WDR3: variants seen among roughly 807,000 people sequenced by gnomAD.
The protein encoded by WDR3 is WD repeat-containing protein 3.
Under a neutral mutation model 123.7 loss-of-function variants are expected in WDR3, and 81 were observed. That is an observed-to-expected ratio of 0.65 (90% confidence interval 0.55 to 0.79). WDR3 has a LOEUF of 0.79. Ranked by LOEUF, WDR3 falls within the 30% of genes least tolerant of loss-of-function variation. The pLI, the probability that WDR3 is intolerant of heterozygous loss-of-function variation, is 0.00. For synonymous variants in WDR3, 390 were observed against 388.8 expected, an observed-to-expected ratio of 1.00 and a Z score of -0.04; for missense variants, 1,027 against 1,123.2, an observed-to-expected ratio of 0.91 and a Z score of 1.22.
Position 117,964,201 on chromosome 1 carries a change from T to G in WDR3, c.*4754T>G. On this transcript the variant is annotated 3_prime_UTR_variant, in exon 27 of 27. Transcript: ENST00000349139. ...TTTCTATAAGGAGCCATCAGTATGG[T>G]CAAGCCCCAAACCATATCTACATCA... The G allele has an allele frequency of 3.5e-6, 1 of 286,448 alleles. No individual in the cohort carries two copies. Among genetic ancestry groups the G allele is most frequent in the Non-Finnish European group, 6.6e-6 (1 of 150,720 alleles). 17.7% of individuals were successfully genotyped at this position (286,448 alleles called of 1,614,324 possible).
At chr1:117,953,128 G>GA in intron 20 of WDR3, 132 bp downstream of exon 20, 1 of 1,095,078 alleles carries the variant, frequency 9.1e-7, no homozygotes, top group Non-Finnish European at 1.3e-6. Flanking sequence ...AGCTGATAAA[G>GA]AATCTGTGTA....
At position 117,964,950 on chromosome 1, in the gene WDR3, C is replaced by G. The variant is rs1653629548; in HGVS notation, c.*5503C>G. Reference sequence around the variant, plus strand: ...GATATTGCAGTTTCAATCACTTCTACTCATTCATATTTTTAATATATATCT... The same window carrying G: ...GATATTGCAGTTTCAATCACTTCTAGTCATTCATATTTTTAATATATATCT... On this transcript the variant is annotated 3_prime_UTR_variant, in exon 27 of 27. Transcript: ENST00000349139. The G allele has an allele frequency of 6.6e-6, 1 of 152,106 alleles. No homozygotes were observed. The highest frequency in any genetic ancestry group is 2.4e-5 in the African/African-American group (1 of 41,408). 9.4% of individuals were successfully genotyped at this position (152,106 alleles called of 1,614,324 possible). A position where few individuals can be genotyped will look rare whatever the true frequency, so the allele number is the denominator to read the frequency against.
intron 21 of WDR3, 76 bp downstream of exon 21, chr1:117,953,617 A>G (rs1313990832): frequency 6.7e-7 from 1 of 1,501,254 alleles, no homozygotes; most frequent in Non-Finnish European, 9.0e-7. Context: ...ATTCTGTATC[A>G]ACCAGAAAGC....
At chr1:117,950,270 G>GT in intron 15 of WDR3, 140 bp downstream of exon 15, 2 of 1,064,122 alleles carry the variant, frequency 1.9e-6, no homozygotes, top group Non-Finnish European at 2.7e-6. Flanking sequence ...TCAAAGCAAT[G>GT]TAACTATGCT....
intron 22 of WDR3, 80 bp from the exon 23 acceptor site, chr1:117,954,500 T>C: frequency 7.3e-7 from 1 of 1,362,638 alleles, no homozygotes; most frequent in Non-Finnish European, 1.0e-6. Context: ...AATTATAAAA[T>C]ACAGTTACCA....
At chr1:117,945,657 TGTA>T in intron 11 of WDR3, among the ~76,000 whole-genome samples, 1 of 152,230 alleles carries the variant, frequency 6.6e-6, no homozygotes, top group East Asian at 1.9e-4. Flanking sequence ...TACCTGGTAA[TGTA>T]GTGGGCATTC....
In WDR3 at chr1:117,953,013, G is replaced by T; in HGVS notation, c.2202+17G>T. On this transcript the variant is annotated intron_variant, in intron 20 of 26. Transcript: ENST00000349139. Reference sequence around the variant, plus strand: ...CAACCAGCAGTAAGTAAATTTTGGGGACCTTGAGATTATGCCCCATATATA... The same window carrying T: ...CAACCAGCAGTAAGTAAATTTTGGGTACCTTGAGATTATGCCCCATATATA... 1 of 1,612,548 alleles carries T rather than the reference G, an allele frequency of 6.2e-7. No homozygotes were observed. The highest frequency in any genetic ancestry group is 1.1e-5 in the South Asian group (1 of 90,978).
chr1:117,955,333 G>C lies in WDR3; in HGVS notation c.2428G>C (p.Glu810Gln). Residue 810 changes from glutamate (E) to glutamine (Q), a missense_variant, in exon 24 of 27, where the codon GAG (glutamate) becomes CAG (glutamine). Coordinates refer to ENST00000349139, the MANE Select transcript of WDR3 (RefSeq NM_006784.3). ...TTTATAGCCTTCAGCTTATGTATTA[G>C]AGATTTTTAAAGGGATCAAGTCGAG... ...GSISPSAYVL[E>Q]IFKGIKSSEL... 1 of 1,612,504 alleles carries C rather than the reference G, an allele frequency of 6.2e-7. No individual in the cohort carries two copies. Among genetic ancestry groups the C allele is most frequent in the Non-Finnish European group, 8.5e-7 (1 of 1,178,976 alleles).
intron 22 of WDR3, 115 bp from the exon 23 acceptor site, chr1:117,954,465 T>C (rs1651868381): frequency 1.0e-6 from 1 of 995,242 alleles, no homozygotes; most frequent in Non-Finnish European, 1.5e-6. Flanking sequence ...GTCAGTTTTT[T>C]AGGGTCTCTT....
rs923762067 is a variant in WDR3, at chr1:117,963,444, A to G, written c.*3997A>G. ...AGTGGCACGATCTTGGCTCACTGCA[A>G]GCTCCGCTTCCTGGGTTCACGCCAT... On this transcript the variant is annotated 3_prime_UTR_variant, in exon 27 of 27. Coordinates refer to ENST00000349139, the MANE Select transcript of WDR3 (RefSeq NM_006784.3). The G allele has an allele frequency of 6.4e-6, 1 of 155,096 alleles. No homozygotes were observed. Among genetic ancestry groups the G allele is most frequent in the African/African-American group, 2.4e-5 (1 of 41,348 alleles). 9.6% of individuals were successfully genotyped at this position (155,096 alleles called of 1,614,324 possible).
At chr1:117,930,198 G>T (rs1423695798) in intron 1 of WDR3, among the ~76,000 whole-genome samples, 1 of 152,236 alleles carries the variant, frequency 6.6e-6, no homozygotes, top group Non-Finnish European at 1.5e-5. Context: ...AGATCATGGG[G>T]TCTCGGAAGA....
At chr1:117,946,473 A>G (rs1232625774) in intron 12 of WDR3, among the ~76,000 whole-genome samples, 2 of 152,178 alleles carry the variant, frequency 1.3e-5, no homozygotes, top group African/African-American at 2.4e-5. Flanking sequence ...TAATGATAAA[A>G]TATATTAAGG....
intron 25 of WDR3, 98 bp downstream of exon 25, chr1:117,957,294 A>G (rs1652356833): frequency 7.1e-7 from 1 of 1,413,256 alleles, no homozygotes; most frequent in Non-Finnish European, 9.4e-7. Flanking sequence ...AAGAAATAGT[A>G]TGCCGAACTC....
chr1:117,942,624 C>A, intron 10 of WDR3, 80 bp downstream of exon 10: 1 of 1,271,784 alleles, frequency 7.9e-7, no homozygotes, highest in South Asian at 1.2e-5. Flanking sequence ...TATTTGTAAG[C>A]TGTCTGTATG....
At chr1:117,941,886 C>A in intron 9 of WDR3, 39 bp downstream of exon 9, 1 of 1,551,296 alleles carries the variant, frequency 6.4e-7, no homozygotes, top group Non-Finnish European at 8.6e-7. Context: ...ATGAAGTATC[C>A]TGGGTAGGCC....
At position 117,961,667 on chromosome 1, in the gene WDR3, TTG is replaced by T. The variant is rs1323150016; in HGVS notation, c.*2224_*2225del. ...TATGCAGTCCTTGTGGCTTGCCGATTTGTGTCCCAAACCACAAGTCTTAATGT... is the reference window on the plus strand; with the variant it reads ...TATGCAGTCCTTGTGGCTTGCCGATTTGTCCCAAACCACAAGTCTTAATGT... On this transcript the variant is annotated 3_prime_UTR_variant, in exon 27 of 27. Coordinates refer to ENST00000349139, the MANE Select transcript of WDR3 (RefSeq NM_006784.3). 6.6e-6 allele frequency: 1 copy of T among 152,200 alleles called. No homozygotes were observed. Among genetic ancestry groups the T allele is most frequent in the African/African-American group, 2.4e-5 (1 of 41,450 alleles). 9.4% of individuals were successfully genotyped at this position (152,200 alleles called of 1,614,324 possible).
At position 117,959,438 on chromosome 1, in the gene WDR3, G is replaced by T; in HGVS notation, c.2823G>T (p.Thr941=). 1 of 1,609,370 alleles carries T rather than the reference G, an allele frequency of 6.2e-7. No individual in the cohort carries two copies. The highest frequency in any genetic ancestry group is 8.5e-7 in the Non-Finnish European group (1 of 1,178,286). ...KRKKREKLIL[T]LT ...AAAAGAGGGAGAAGTTGATTCTAAC[G>T]TTGACTTAGAACTGAAATGTGGTAT... The change falls in exon 27 of 27, where the codon ACG becomes ACT. Residue 941 remains threonine, a synonymous_variant. Transcript: ENST00000349139.
rs910596046 is a variant in WDR3 at position 117,964,617 on chromosome 1, T to G, written c.*5170T>G. ...AGAGAGACTTTCCCAGTGAGGACTT[T>G]CCTTTCCTATTTTATATTTTGCTCC... On this transcript the variant is annotated 3_prime_UTR_variant, in exon 27 of 27. Transcript: ENST00000349139. 2.0e-5 allele frequency: 3 copies of G among 152,122 alleles called. No homozygotes were observed. Among genetic ancestry groups the G allele is most frequent in the African/African-American group, 2.4e-5 (1 of 41,422 alleles). 9.4% of individuals were successfully genotyped at this position (152,122 alleles called of 1,614,324 possible).
intron 11 of WDR3, among the ~76,000 whole-genome samples, chr1:117,945,188 A>G (rs1025873216): frequency 6.6e-6 from 1 of 152,004 alleles, no homozygotes; most frequent in African/African-American, 2.4e-5. Context: ...TTGCCCCTCT[A>G]TAGTCTGTTC....
Sources: allele counts gnomAD v4.1 joint callset (sites outside exome capture counted in the v4.1 genomes callset), GRCh38; gene constraint gnomAD v4.1.1; transcripts MANE v1.5; gene names NCBI Gene and HGNC (gene_info 2026-07-23, HGNC 2026-07-21).